Variants in JARID2 observed in about 807,000 individuals in gnomAD.
JARID2 encodes the protein jumonji and AT-rich interaction domain containing 2, also known as protein Jumonji.
In JARID2, 21 loss-of-function variants were observed where a neutral mutation model predicts 125.6. That is an observed-to-expected ratio of 0.17 (90% CI 0.12 to 0.24). The LOEUF is 0.24. JARID2 is among the 10% of genes least tolerant of loss of function. The pLI is 1.00. For synonymous variants in JARID2, 736 were observed against 661.6 expected (o/e 1.11, Z -1.73); for missense variants, 1,303 against 1,639.6 (o/e 0.79, Z 3.55).
rs150586923 is a variant in JARID2, at chr6:15,431,428, G to A, written c.324-20578G>A. On this transcript the variant is annotated intron_variant, in intron 3 of 17. Coordinates refer to ENST00000341776, the MANE Select transcript of JARID2 (RefSeq NM_004973.4). Reference sequence around the variant, plus strand: ...GAATTGTTTGAGGCCAAGGAGAGGAGGGTATGGCTCCTTCAGCTTTACCCT... The same window carrying A: ...GAATTGTTTGAGGCCAAGGAGAGGAAGGTATGGCTCCTTCAGCTTTACCCT... 3.9e-3 allele frequency among the ~76,000 whole-genome samples: 600 copies of A among 152,234 alleles called. 4 individuals are homozygous for A. The highest frequency in any genetic ancestry group is 0.024 in the Middle Eastern group (7 of 294).
At chr6:15,340,152 C>T (rs975365713) in intron 1 of JARID2, among the ~76,000 whole-genome samples, 33 of 152,000 alleles carry the variant, frequency 2.2e-4, no homozygotes, top group African/African-American at 5.6e-4. Context: ...CCACTGCACC[C>T]GGCCTCAGAT....
At chr6:15,263,749 C>T (rs1348733752) in intron 1 of JARID2, among the ~76,000 whole-genome samples, 1 of 152,104 alleles carries the variant, frequency 6.6e-6, no homozygotes, top group Non-Finnish European at 1.5e-5. Context: ...CCCGCCACCA[C>T]GCCTGGCTAA....
chr6:15,464,953 T>G (rs566276470), intron 4 of JARID2, among the ~76,000 whole-genome samples: 53 of 152,328 alleles, frequency 3.5e-4, no homozygotes, highest in Non-Finnish European at 2.9e-5. Context: ...AGGGACTTAC[T>G]ACTATTATAA....
intron 2 of JARID2, chr6:15,400,739 T>C: frequency 1.1e-6 from 1 of 932,764 alleles, no homozygotes; most frequent in Non-Finnish European, 1.3e-6. Flanking sequence ...TGCACATAAA[T>C]AACCTTCTCT....
At chr6:15,404,590 A>G (rs1765576144) in intron 2 of JARID2, among the ~76,000 whole-genome samples, 1 of 150,334 alleles carries the variant, frequency 6.7e-6, no homozygotes, top group Admixed American at 6.6e-5. Context: ...GCTGCTGAAA[A>G]TGAAAGCTGT....
chr6:15,468,829 C>G (rs1028607062), intron 5 of JARID2, 111 bp downstream of exon 5: 30 of 1,037,552 alleles, frequency 2.9e-5, no homozygotes, highest in Non-Finnish European at 1.1e-5. Flanking sequence ...GTTCTGGGTA[C>G]TTCTCCAGGG....
chr6:15,504,622 T>G, intron 9 of JARID2, 30 bp downstream of exon 9: 1 of 1,466,846 alleles, frequency 6.8e-7, no homozygotes, highest in Non-Finnish European at 9.6e-7. Context: ...ACGCTGCCTC[T>G]CATGGTGTGG....
chr6:15,507,318 G>C (rs1771052404), intron 10 of JARID2, 28 bp from the exon 11 acceptor site: 1 of 1,611,108 alleles, frequency 6.2e-7, no homozygotes, highest in Non-Finnish European at 8.5e-7. Flanking sequence ...CCGCCAGTTT[G>C]TAACGTCCCT....
intron 5 of JARID2, among the ~76,000 whole-genome samples, chr6:15,482,860 C>T (rs1769689360): frequency 6.6e-6 from 1 of 152,192 alleles, no homozygotes; most frequent in South Asian, 2.1e-4. Context: ...TTAACCCATG[C>T]ACTGTTTTGT....
Position 15,477,504 on chromosome 6 carries a change from GTTTTT to G in JARID2, c.670+8803_670+8807del, listed in dbSNP as rs56055395. ...GTTGGAATATGGGATGGGAGTGTTG[GTTTTT>G]TTTTTTTTTTTTTTTTAAGAGCTGT... is the stretch of plus-strand genomic sequence containing the variant. On this transcript the variant is annotated intron_variant, in intron 5 of 17. Coordinates refer to ENST00000341776, the MANE Select transcript of JARID2 (RefSeq NM_004973.4). Among the ~76,000 whole-genome samples, 107 of 137,424 alleles carry G rather than the reference GTTTTT, an allele frequency of 7.8e-4. 1 individual carries two copies. The highest frequency in any genetic ancestry group is 2.1e-3 in the East Asian group (10 of 4,722). 90.2% of individuals were successfully genotyped at this position (137,424 alleles called of 152,430 possible). A position where few individuals can be genotyped will look rare whatever the true frequency, so the allele number is the denominator to read the frequency against.
chr6:15,272,734 G>GA (rs937823091), intron 1 of JARID2, among the ~76,000 whole-genome samples: 1 of 152,196 alleles, frequency 6.6e-6, no homozygotes, highest in African/African-American at 2.4e-5. Context: ...TCCTGGGTTT[G>GA]AAGCCTGCCT....
chr6:15,370,330 G>GTT (rs33981169), intron 1 of JARID2, among the ~76,000 whole-genome samples: 17 of 114,246 alleles, frequency 1.5e-4, no homozygotes, highest in East Asian at 5.1e-4. Context: ...TATCTGGGCT[G>GTT]TTTTTTTTTT....
chr6:15,295,278 C>T (rs1266602661), intron 1 of JARID2, among the ~76,000 whole-genome samples: 2 of 151,798 alleles, frequency 1.3e-5, no homozygotes, highest in Admixed American at 6.6e-5. Flanking sequence ...CCCGCCAACA[C>T]GCCCGGCTAA....
chr6:15,322,878 T>A (rs959951807), intron 1 of JARID2, among the ~76,000 whole-genome samples: 14 of 152,246 alleles, frequency 9.2e-5, no homozygotes, highest in Admixed American at 2.6e-4. Flanking sequence ...TTCCCCTTGA[T>A]TTCCAAATTC....
At chr6:15,467,675 C>A (rs1198919787) in intron 4 of JARID2, among the ~76,000 whole-genome samples, 5 of 152,084 alleles carry the variant, frequency 3.3e-5, no homozygotes, top group African/African-American at 1.2e-4. Context: ...GACTCCATCT[C>A]CCCACAAAAA....
intron 4 of JARID2, among the ~76,000 whole-genome samples, chr6:15,455,448 G>A (rs1768118919): frequency 6.6e-6 from 1 of 152,018 alleles, no homozygotes; most frequent in Non-Finnish European, 1.5e-5. Flanking sequence ...TCCTACAGTG[G>A]GATATAACAC....
chr6:15,296,241 T>C (rs915214542), intron 1 of JARID2, among the ~76,000 whole-genome samples: 1 of 152,214 alleles, frequency 6.6e-6, no homozygotes, highest in Non-Finnish European at 1.5e-5. Flanking sequence ...CTAGCCTAAG[T>C]TGCTGCACTT....
At chr6:15,285,490 G>A (rs1760961895) in intron 1 of JARID2, among the ~76,000 whole-genome samples, 1 of 152,002 alleles carries the variant, frequency 6.6e-6, no homozygotes, top group African/African-American at 2.4e-5. Context: ...AGTTAACTAG[G>A]TTATTACTTT....
rs867033917 is a variant in JARID2, at chr6:15,497,543, G to C, written c.1945+373G>C. 5.3e-5 allele frequency among the ~76,000 whole-genome samples: 8 copies of C among 152,026 alleles called. No homozygotes were observed. In the South Asian group the frequency reaches 1.5e-3, roughly 28 times the overall value. On this transcript the variant is annotated intron_variant, in intron 7 of 17. Coordinates refer to ENST00000341776, the MANE Select transcript of JARID2 (RefSeq NM_004973.4). ...CGGGGGCCTGTAGTCCCAGCTACTTGGAGAGGCTGAGGCAGGAGAATGGCG... is the reference window on the plus strand; with the variant it reads ...CGGGGGCCTGTAGTCCCAGCTACTTCGAGAGGCTGAGGCAGGAGAATGGCG...
Sources: gnomAD v4.1 joint callset for allele counts (sites outside exome capture counted in the v4.1 genomes callset) on GRCh38, gnomAD v4.1.1 for gene constraint, MANE v1.5 for transcripts, NCBI Gene and HGNC (gene_info 2026-07-23, HGNC 2026-07-21) for gene names.